The following FSTL5 variants were observed in gnomAD, a reference collection of about 807,000 sequenced individuals.
FSTL5 encodes the protein follistatin like 5, also known as follistatin-related protein 5.
A neutral mutation model predicts 89.1 loss-of-function variants in FSTL5; 62 were observed. That is an observed-to-expected ratio of 0.70 (90% CI 0.57 to 0.86). FSTL5 has a LOEUF of 0.86. Ranked by LOEUF, FSTL5 falls within the 40% of genes least tolerant of loss-of-function variation. FSTL5 has a pLI of 0.00. For synonymous variants in FSTL5, 383 were observed against 346.2 expected (o/e 1.11, Z -1.18); for missense variants, 1,057 against 1,001.6 (o/e 1.06, Z -0.75).
chr4:161,648,521 G>A (rs1304309414), intron 7 of FSTL5, among the ~76,000 whole-genome samples: 1 of 152,078 alleles, frequency 6.6e-6, no homozygotes, highest in East Asian at 1.9e-4. Context: ...GAAGTGAATC[G>A]GGGAGACAAA....
chr4:161,611,382 T>C (rs1297629478), intron 7 of FSTL5, among the ~76,000 whole-genome samples: 1 of 151,520 alleles, frequency 6.6e-6, no homozygotes, highest in African/African-American at 2.4e-5. Flanking sequence ...TTTACATTTC[T>C]TCATTCATAT....
intron 4 of FSTL5, among the ~76,000 whole-genome samples, chr4:161,866,251 T>A (rs145245819): frequency 3.5e-4 from 53 of 152,310 alleles, no homozygotes; most frequent in African/African-American, 1.2e-3. Context: ...AATTTATTTT[T>A]ATGAAACCCA....
At chr4:162,055,477 T>C (rs573724276) in intron 2 of FSTL5, among the ~76,000 whole-genome samples, 20 of 151,576 alleles carry the variant, frequency 1.3e-4, no homozygotes, top group Non-Finnish European at 2.8e-4. Flanking sequence ...CATTTAAAAA[T>C]GTATCTATTG....
intron 4 of FSTL5, among the ~76,000 whole-genome samples, chr4:161,822,092 A>T (rs1730511580): frequency 6.6e-6 from 1 of 151,496 alleles, no homozygotes; most frequent in African/African-American, 2.4e-5. Flanking sequence ...CCCTGCCAAC[A>T]TCTACTATTT....
chr4:161,852,623 A>C (rs150591680), intron 4 of FSTL5, among the ~76,000 whole-genome samples: 3 of 152,316 alleles, frequency 2.0e-5, no homozygotes, highest in African/African-American at 7.2e-5. Context: ...ATATACTCAA[A>C]AGAATATAAA....
chr4:161,967,211 A>G (rs72693214), intron 3 of FSTL5, among the ~76,000 whole-genome samples: 14,345 of 152,098 alleles, frequency 0.094, 773 homozygotes, highest in East Asian at 0.21. Flanking sequence ...AAAATTGTCC[A>G]GAGGCACAGC....
At chr4:161,573,733 C>CAAAAAAAAAAAAAAAAAAAAAAACAAAAA (rs1733110980) in intron 8 of FSTL5, among the ~76,000 whole-genome samples, 1 of 50,622 alleles carries the variant, frequency 2.0e-5, no homozygotes, top group Non-Finnish European at 3.4e-5. Context: ...AACTCCAGCT[C>CAAAAAAAAAAAAAAAAAAAAAAACAAAAA]AAAAAAAAAA....
At position 161,481,625 on chromosome 4, in the gene FSTL5, G is replaced by A. The variant is rs977926933; in HGVS notation, c.1459-456C>T. On this transcript the variant is annotated intron_variant, in intron 12 of 15. Coordinates refer to ENST00000306100, the MANE Select transcript of FSTL5 (RefSeq NM_020116.5). The stretch of plus-strand genomic sequence containing the variant: ...GTAATCTTGTGGAAAAGACTGCAGG[G>A]TTCTTTTAATTTGTAATAAATCAGA... Among the ~76,000 whole-genome samples the A allele has an allele frequency of 2.0e-5, 3 of 152,228 alleles. 1 individual carries two copies. The highest frequency in any genetic ancestry group is 4.1e-4 in the South Asian group (2 of 4,820).
intron 6 of FSTL5, among the ~76,000 whole-genome samples, chr4:161,704,760 C>T (rs1006253681): frequency 2.6e-5 from 4 of 152,052 alleles, no homozygotes; most frequent in Non-Finnish European, 5.9e-5. Context: ...AGAAATGCTA[C>T]CTACTTCCTA....
At chr4:161,567,337 A>C (rs968398504) in intron 8 of FSTL5, among the ~76,000 whole-genome samples, 1 of 152,286 alleles carries the variant, frequency 6.6e-6, no homozygotes, top group East Asian at 1.9e-4. Context: ...AAATTGCAAA[A>C]GGTGCTTAAA....
At chr4:161,420,322 A>G (rs1731938191) in intron 15 of FSTL5, among the ~76,000 whole-genome samples, 1 of 152,206 alleles carries the variant, frequency 6.6e-6, no homozygotes, top group South Asian at 2.1e-4. Context: ...TTACAAAAAC[A>G]AGGACTAGCA....
chr4:161,444,568 G>C (rs1732881775), intron 15 of FSTL5, among the ~76,000 whole-genome samples: 1 of 151,762 alleles, frequency 6.6e-6, no homozygotes, highest in African/African-American at 2.4e-5. Flanking sequence ...CAAATTTTAT[G>C]AACAGTGGCT....
chr4:161,876,507 A>G (rs1038924125), intron 4 of FSTL5, among the ~76,000 whole-genome samples: 1 of 152,220 alleles, frequency 6.6e-6, no homozygotes, highest in African/African-American at 2.4e-5. Flanking sequence ...CTTTGTTACA[A>G]TGTAGTTTTT....
intron 5 of FSTL5, among the ~76,000 whole-genome samples, chr4:161,766,933 TAG>T (rs1226846620): frequency 2.6e-5 from 4 of 151,978 alleles, no homozygotes; most frequent in African/African-American, 9.7e-5. Context: ...GATAGATAGA[TAG>T]ATAGATAGAT....
chr4:161,524,027 G>A (rs1731121945), intron 10 of FSTL5, among the ~76,000 whole-genome samples: 1 of 152,064 alleles, frequency 6.6e-6, no homozygotes, highest in African/African-American at 2.4e-5. Flanking sequence ...ATGGGAAGTG[G>A]GGATGGAACA....
intron 7 of FSTL5, among the ~76,000 whole-genome samples, chr4:161,629,345 A>G (rs1427891437): frequency 6.6e-6 from 1 of 151,418 alleles, no homozygotes; most frequent in African/African-American, 2.4e-5. Context: ...AGTAAATTAG[A>G]TAATTTTTTT....
At chr4:162,058,553 G>A (rs1231035696) in intron 2 of FSTL5, among the ~76,000 whole-genome samples, 5 of 146,844 alleles carry the variant, frequency 3.4e-5, no homozygotes, top group African/African-American at 1.0e-4. Context: ...CAGCCCTCCC[G>A]AGTAGCTGGG....
intron 4 of FSTL5, among the ~76,000 whole-genome samples, chr4:161,877,326 A>G: frequency 6.6e-6 from 1 of 150,982 alleles, no homozygotes; most frequent in Admixed American, 6.6e-5. Context: ...CTATGATAAT[A>G]TAATATGTTG....
At chr4:161,849,408 G>A (rs910207161) in intron 4 of FSTL5, among the ~76,000 whole-genome samples, 10 of 151,306 alleles carry the variant, frequency 6.6e-5, no homozygotes, top group Admixed American at 5.3e-4. Flanking sequence ...TAAAACTGCC[G>A]GAAAAAAAAA....
Sources: allele counts gnomAD v4.1 joint callset (sites outside exome capture counted in the v4.1 genomes callset), GRCh38; gene constraint gnomAD v4.1.1; transcripts MANE v1.5; gene names NCBI Gene and HGNC (gene_info 2026-07-23, HGNC 2026-07-21).